The following DMD variants were observed in gnomAD, a reference collection of about 807,000 sequenced individuals.
The protein encoded by DMD is dystrophin.
Under a neutral mutation model 330.1 loss-of-function variants are expected in DMD, and 63 were observed. The observed-to-expected ratio is 0.19, with a 90% CI of 0.16 to 0.24. The LOEUF is 0.24. Among genes scored for constraint, DMD ranks in the 10% least tolerant of loss-of-function variants. The probability of loss-of-function intolerance (pLI) is 1.00; values close to 1 mark genes in which losing one functional copy is unlikely to be tolerated. For missense variants in DMD, 3,344 were observed against 2,684.1 expected, an observed-to-expected ratio of 1.25 and a Z score of -5.43; for synonymous variants, 1,223 against 959.8, an observed-to-expected ratio of 1.27 and a Z score of -5.07.
At position 32,573,555 on chromosome X, in the gene DMD, A is replaced by G. The variant is rs2052669695; in HGVS notation, c.1787T>C (p.Met596Thr). 8.3e-7 allele frequency: 1 copy of G among 1,211,555 alleles called. No homozygotes were observed. The highest frequency in any genetic ancestry group is 1.1e-6 in the Non-Finnish European group (1 of 895,178). ...GGCCAGTTTTTGAAGACTTGATAAC[A>G]TTTCATTTTGATCTTTAAAGCCAGT... ...HTTGFKDQNE[M>T]LSSLQKLAVL... The change falls in exon 15 of 79, where the codon ATG (methionine) becomes ACG (threonine). Residue 596 changes from methionine (M) to threonine (T), a missense_variant. Physicochemically the swap from Met to Thr is moderately conservative, Grantham distance 81 (BLOSUM62 -1). Coordinates refer to ENST00000357033, the MANE Select transcript of DMD (RefSeq NM_004006.3).
chrX:32,515,814 G>C (rs1471830075), intron 18 of DMD, among the ~76,000 whole-genome samples: 1 of 111,721 alleles, frequency 9.0e-6, no homozygotes, highest in African/African-American at 3.3e-5. Flanking sequence ...CAAGCTCCCA[G>C]ATAATGTCAA....
chrX:31,183,966 G>GT (rs1308926321), intron 67 of DMD, among the ~76,000 whole-genome samples: 1 of 108,267 alleles, frequency 9.2e-6, no homozygotes, highest in Non-Finnish European at 1.9e-5. Context: ...CTGGAGTGCA[G>GT]TGGCGTGATC....
At chrX:33,117,306 A>G (rs139496538) in intron 1 of DMD, among the ~76,000 whole-genome samples, 3,191 of 110,724 alleles carry the variant, frequency 0.029, 128 homozygotes, top group African/African-American at 0.099. Flanking sequence ...CATGTTGACT[A>G]TAGTTAATAG....
At chrX:31,647,671 C>T (rs2080182743) in intron 54 of DMD, among the ~76,000 whole-genome samples, 1 of 112,005 alleles carries the variant, frequency 8.9e-6, no homozygotes, top group Non-Finnish European at 1.9e-5. Context: ...GGCAATCCAT[C>T]AGTAATTGTA....
intron 60 of DMD, among the ~76,000 whole-genome samples, chrX:31,405,242 C>T (rs2061357559): frequency 9.0e-6 from 1 of 111,661 alleles, no homozygotes; most frequent in African/African-American, 3.3e-5. Flanking sequence ...TGTACTTAAC[C>T]ATTCGTATCA....
chrX:32,616,276 G>C (rs532768570), intron 11 of DMD, among the ~76,000 whole-genome samples: 4 of 111,108 alleles, frequency 3.6e-5, no homozygotes, highest in African/African-American at 9.8e-5. Context: ...TAATAAGAAA[G>C]TCACTATACA....
intron 5 of DMD, 56 bp from the exon 6 acceptor site, chrX:32,816,696 C>A (rs1354783801): frequency 1.8e-6 from 2 of 1,116,146 alleles, no homozygotes; most frequent in Non-Finnish European, 2.5e-6. Flanking sequence ...AAGAACCATG[C>A]AAACTTAAAT....
intron 7 of DMD, among the ~76,000 whole-genome samples, chrX:32,764,191 TG>T (rs1419393051): frequency 9.0e-6 from 1 of 110,775 alleles, no homozygotes; most frequent in African/African-American, 3.3e-5. Flanking sequence ...AATTGACAAT[TG>T]AGCACAACTA....
chrX:32,632,423 C>A (rs1033733996), intron 11 of DMD, among the ~76,000 whole-genome samples: 8 of 111,926 alleles, frequency 7.1e-5, no homozygotes, highest in Non-Finnish European at 1.5e-4. Context: ...GACAGTGGCC[C>A]TCTTCTTACA....
At chrX:32,710,767 G>A (rs974152900) in intron 7 of DMD, among the ~76,000 whole-genome samples, 5 of 111,202 alleles carry the variant, frequency 4.5e-5, no homozygotes, top group African/African-American at 1.3e-4. Flanking sequence ...AAAATTTTGT[G>A]CTAAGCGTCT....
At chrX:31,757,655 A>T (rs761598230) in intron 51 of DMD, among the ~76,000 whole-genome samples, 1 of 110,651 alleles carries the variant, frequency 9.0e-6, no homozygotes, top group Admixed American at 9.7e-5. Context: ...CGCTTTTATA[A>T]GGGCACTGAT....
At chrX:31,209,858 T>C (rs1286108085) in intron 64 of DMD, among the ~76,000 whole-genome samples, 159 bp from the exon 65 acceptor site, 1 of 111,838 alleles carries the variant, frequency 8.9e-6, no homozygotes, top group African/African-American at 3.3e-5. Context: ...TTTTTATGCC[T>C]CGACTCTAAG....
intron 53 of DMD, among the ~76,000 whole-genome samples, chrX:31,671,894 CTCTA>C (rs1331299456): frequency 4.5e-5 from 5 of 110,715 alleles, no homozygotes; most frequent in South Asian, 7.5e-4. Flanking sequence ...TATTTTCTTC[CTCTA>C]TCTGATTTTT....
intron 2 of DMD, among the ~76,000 whole-genome samples, chrX:32,923,847 TA>T (rs1220771382): frequency 9.0e-6 from 1 of 111,721 alleles, no homozygotes; most frequent in Non-Finnish European, 1.9e-5. Context: ...GTTTAAATTT[TA>T]ATTAGGAAAA....
At chrX:32,751,711 C>A (rs1268470781) in intron 7 of DMD, among the ~76,000 whole-genome samples, 2 of 112,276 alleles carry the variant, frequency 1.8e-5, no homozygotes, top group Non-Finnish European at 3.8e-5. Flanking sequence ...ACGTCAGAGA[C>A]CTTTGTGGCA....
At chrX:32,252,781 T>A (rs867536950) in intron 43 of DMD, among the ~76,000 whole-genome samples, 4,933 of 55,898 alleles carry the variant, frequency 0.088, 476 homozygotes, top group Admixed American at 0.12. Context: ...TAAATATATA[T>A]AAATATATAT....
chrX:32,168,965 C>G (rs1290840284), intron 44 of DMD, among the ~76,000 whole-genome samples: 2 of 112,079 alleles, frequency 1.8e-5, no homozygotes, highest in African/African-American at 6.5e-5. Context: ...CCTTGTCACT[C>G]AAATAAACTG....
rs1200787348 is a variant in DMD, at chrX:32,335,400, A to G, written c.5922+6700T>C. Among the ~76,000 whole-genome samples, 5 of 105,063 alleles carry G rather than the reference A, an allele frequency of 4.8e-5. No individual in the cohort carries two copies. In the East Asian group the frequency reaches 1.2e-3, roughly 25 times the overall value. The allele number at this position is 105,063 out of a possible 115,157, so 91.2% of individuals were successfully genotyped here. On this transcript the variant is annotated intron_variant, in intron 41 of 78. Coordinates refer to ENST00000357033, the MANE Select transcript of DMD (RefSeq NM_004006.3). ...TATAAAACATATATAATACATATATATAACATATATATATAACTTGTATAT... is the reference window on the plus strand; with the variant it reads ...TATAAAACATATATAATACATATATGTAACATATATATATAACTTGTATAT...
At chrX:32,369,147 T>A (rs188242767) in intron 34 of DMD, among the ~76,000 whole-genome samples, 4 of 111,956 alleles carry the variant, frequency 3.6e-5, no homozygotes, top group Admixed American at 2.8e-4. Context: ...TTTCCATATG[T>A]TACTTTGTAA....
Sources: allele counts gnomAD v4.1 joint callset (sites outside exome capture counted in the v4.1 genomes callset), GRCh38; gene constraint gnomAD v4.1.1; transcripts MANE v1.5; gene names NCBI Gene and HGNC (gene_info 2026-07-23, HGNC 2026-07-21).